Variants in SESTD1 observed in about 807,000 individuals in gnomAD.
SESTD1 encodes the protein SEC14 and spectrin domain containing 1, also known as SEC14 domain and spectrin repeat-containing protein 1.
SESTD1 carries 43 observed loss-of-function variants against 101.7 expected under a neutral mutation model. That is an observed-to-expected ratio of 0.42 (90% confidence interval 0.33 to 0.55). The LOEUF (loss-of-function observed/expected upper bound fraction) is 0.55. SESTD1 is among the 20% of genes least tolerant of loss of function. The pLI, the probability that SESTD1 is intolerant of heterozygous loss-of-function variation, is 0.07. For missense variants in SESTD1, 647 were observed against 815.1 expected, an observed-to-expected ratio of 0.79 and a Z score of 2.51; for synonymous variants, 283 against 286.8, an observed-to-expected ratio of 0.99 and a Z score of 0.13.
At chr2:179,229,940 C>A (rs1333082414) in intron 1 of SESTD1, among the ~76,000 whole-genome samples, 1 of 149,716 alleles carries the variant, frequency 6.7e-6, no homozygotes, top group African/African-American at 2.4e-5. Context: ...CTCATAAAAC[C>A]CCCTAAAACA....
chr2:179,150,372 C>T (rs1412358025), intron 6 of SESTD1, among the ~76,000 whole-genome samples: 1 of 151,804 alleles, frequency 6.6e-6, no homozygotes, highest in East Asian at 1.9e-4. Context: ...TCAAATTACA[C>T]AGAGTTGCAG....
intron 17 of SESTD1, 89 bp downstream of exon 17, chr2:179,112,635 G>C (rs1054009440): frequency 2.1e-6 from 3 of 1,431,468 alleles, no homozygotes; most frequent in Non-Finnish European, 1.8e-6. Context: ...TAATTTACTT[G>C]GCTTTTTAAA....
At chr2:179,170,210 C>CA (rs538707127) in intron 5 of SESTD1, among the ~76,000 whole-genome samples, 4,566 of 91,126 alleles carry the variant, frequency 0.05, 145 homozygotes, top group African/African-American at 0.13. Context: ...AATCAGAAAG[C>CA]AAAAAAAAAA....
At chr2:179,226,950 A>G (rs750077723) in intron 1 of SESTD1, among the ~76,000 whole-genome samples, 19 of 152,222 alleles carry the variant, frequency 1.2e-4, no homozygotes, top group Non-Finnish European at 2.8e-4. Flanking sequence ...ACAAGCTTAG[A>G]TAATTTTCAA....
At chr2:179,252,010 C>T (rs2047324498) in intron 1 of SESTD1, among the ~76,000 whole-genome samples, 1 of 152,198 alleles carries the variant, frequency 6.6e-6, no homozygotes, top group Non-Finnish European at 1.5e-5. Flanking sequence ...ATTCTTATTT[C>T]CACAGTATCT....
At chr2:179,137,627 CTGTAACAGCAGCAGCAGTATG>C (rs2045177468) in intron 9 of SESTD1, among the ~76,000 whole-genome samples, 1 of 152,182 alleles carries the variant, frequency 6.6e-6, no homozygotes, top group Admixed American at 6.6e-5. Context: ...TAATTTTTAA[CTGTAACAGCAGCAGCAGTATG>C]GAGAATCTCT....
At chr2:179,174,982 G>A (rs1192145257) in intron 4 of SESTD1, among the ~76,000 whole-genome samples, 1 of 150,334 alleles carries the variant, frequency 6.7e-6, no homozygotes, top group Non-Finnish European at 1.5e-5. Context: ...GGATTCTCAT[G>A]ATGAAAAGTT....
chr2:179,175,281 CTT>C (rs1052074822), intron 4 of SESTD1, among the ~76,000 whole-genome samples: 1 of 152,184 alleles, frequency 6.6e-6, no homozygotes, highest in African/African-American at 2.4e-5. Context: ...AAAATTACCA[CTT>C]TGTTCCTATC....
At chr2:179,178,868 A>G (rs1421225689) in intron 3 of SESTD1, among the ~76,000 whole-genome samples, 1 of 152,250 alleles carries the variant, frequency 6.6e-6, no homozygotes, top group African/African-American at 2.4e-5. Context: ...CAATACATTT[A>G]TATTTCAAAG....
At chr2:179,237,009 T>G (rs2047078324) in intron 1 of SESTD1, among the ~76,000 whole-genome samples, 2 of 152,102 alleles carry the variant, frequency 1.3e-5, no homozygotes, top group African/African-American at 4.8e-5. Context: ...CTTAATCGTA[T>G]TTTCTTGATC....
chr2:179,148,769 T>C (rs147939673), intron 7 of SESTD1, among the ~76,000 whole-genome samples: 4,142 of 152,196 alleles, frequency 0.027, 79 homozygotes, highest in Middle Eastern at 0.089. Flanking sequence ...TTACTATTAA[T>C]TTAAAAATGG....
chr2:179,162,898 G>A lies in SESTD1; in HGVS notation c.369+9222C>T, dbSNP rs112698572. On this transcript the variant is annotated intron_variant, in intron 5 of 17. Coordinates refer to ENST00000428443, the MANE Select transcript of SESTD1 (RefSeq NM_178123.5). ...CTCAGCTACTCAGGAGGCTGAGGCA[G>A]GAGAATCGCTTGAACCTGGGAGGCG... Among the ~76,000 whole-genome samples the A allele has an allele frequency of 1.9e-3, 281 of 151,786 alleles. 1 individual carries two copies. Among genetic ancestry groups the A allele is most frequent in the African/African-American group, 6.4e-3 (263 of 41,322 alleles).
At chr2:179,257,667 TAGAGA>T (rs2047419200) in intron 1 of SESTD1, among the ~76,000 whole-genome samples, 1 of 152,014 alleles carries the variant, frequency 6.6e-6, no homozygotes, top group African/African-American at 2.4e-5. Context: ...AGGCAAAGAA[TAGAGA>T]AAAGAACCAA....
chr2:179,240,819 T>C (rs1325613138), intron 1 of SESTD1, among the ~76,000 whole-genome samples: 1 of 152,090 alleles, frequency 6.6e-6, no homozygotes, highest in African/African-American at 2.4e-5. Context: ...ATTCATCTAG[T>C]AATGATCTCC....
At chr2:179,253,161 C>T (rs1338784804) in intron 1 of SESTD1, among the ~76,000 whole-genome samples, 1 of 152,098 alleles carries the variant, frequency 6.6e-6, no homozygotes, top group African/African-American at 2.4e-5. Flanking sequence ...AGGTTCAACA[C>T]TTTTGTTTTT....
rs2046014076 is a variant in SESTD1, at chr2:179,176,451, T to C, written c.252A>G (p.Leu84=). The C allele has an allele frequency of 1.2e-6, 2 of 1,612,612 alleles. No individual in the cohort carries two copies. The change falls in exon 4 of 18, where the codon CTA becomes CTG. Residue 84 remains leucine, a synonymous_variant. Transcript: ENST00000428443. ...WNVVKTVVVM[L]QNVVPAEVSL... is the part of the protein sequence containing the mutation. Reference sequence around the variant, plus strand: ...TGATAGACAAAACCAAAATTACCTGTAGCATTACGACTACTGTTTTCACCA... The same window carrying C: ...TGATAGACAAAACCAAAATTACCTGCAGCATTACGACTACTGTTTTCACCA...
rs2047260437 is a variant in SESTD1 at position 179,248,100 on chromosome 2, A to G, written c.-26+16399T>C. Among the ~76,000 whole-genome samples the G allele has an allele frequency of 2.0e-5, 3 of 152,098 alleles. No individual in the cohort carries two copies. In the South Asian group the frequency reaches 6.2e-4, roughly 32 times the overall value. Reference sequence around the variant, plus strand: ...AACAGAGACGACACAGATTACCAGTATCTGGAATGCAACAGAGATCTCATG... The same window carrying G: ...AACAGAGACGACACAGATTACCAGTGTCTGGAATGCAACAGAGATCTCATG... On this transcript the variant is annotated intron_variant, in intron 1 of 17. Transcript: ENST00000428443.
chr2:179,196,954 C>T (rs60656255), intron 1 of SESTD1, among the ~76,000 whole-genome samples: 1,714 of 152,304 alleles, frequency 0.011, 31 homozygotes, highest in African/African-American at 0.039. Context: ...CAAAGCTGGA[C>T]GGAGAATGAT....
intron 12 of SESTD1, 111 bp downstream of exon 12, chr2:179,123,604 C>T: frequency 1.5e-6 from 1 of 669,562 alleles, no homozygotes. Flanking sequence ...TTTCTGTTTC[C>T]TGAAAATAAT....
Sources: gnomAD v4.1 joint callset for allele counts (sites outside exome capture counted in the v4.1 genomes callset) on GRCh38, gnomAD v4.1.1 for gene constraint, MANE v1.5 for transcripts, NCBI Gene and HGNC (gene_info 2026-07-23, HGNC 2026-07-21) for gene names.